Variants in FBXO28 observed in about 807,000 individuals in gnomAD.
FBXO28 encodes F-box only protein 28.
Under a neutral mutation model 38.1 loss-of-function variants are expected in FBXO28, and 8 were observed. That is an observed-to-expected ratio of 0.21 (90% CI 0.12 to 0.38). The LOEUF is 0.38. Ranked by LOEUF, FBXO28 falls within the 10% of genes least tolerant of loss-of-function variation. FBXO28 has a pLI of 1.00. For synonymous variants in FBXO28, 168 were observed against 173.8 expected (o/e 0.97, Z 0.26); for missense variants, 345 against 460.6 (o/e 0.75, Z 2.30).
chr1:224,147,012 A>G (rs1386631820), intron 3 of FBXO28, among the ~76,000 whole-genome samples: 1 of 151,674 alleles, frequency 6.6e-6, no homozygotes, highest in East Asian at 1.9e-4. Context: ...GGCCAAAAAT[A>G]TTTTTTATAA....
chr1:224,151,439 G>A (rs1386016814), intron 3 of FBXO28, among the ~76,000 whole-genome samples: 4 of 152,170 alleles, frequency 2.6e-5, no homozygotes, highest in Non-Finnish European at 5.9e-5. Flanking sequence ...CATACATCAT[G>A]CTCCATTAAC....
chr1:224,143,996 C>T (rs902139858), intron 3 of FBXO28, among the ~76,000 whole-genome samples: 1 of 148,942 alleles, frequency 6.7e-6, no homozygotes, highest in Admixed American at 6.7e-5. Flanking sequence ...ACTAAAAATA[C>T]AAAATTTAGC....
At position 224,161,927 on chromosome 1, in the gene FBXO28, C is replaced by G. The variant is rs1657916097; in HGVS notation, c.*4181C>G. The stretch of plus-strand genomic sequence containing the variant: ...TCTGTTTACCTATGCTTATGAGCAA[C>G]AATAAATTACTAGTTTACCTTCTGG... On this transcript the variant is annotated 3_prime_UTR_variant, in exon 5 of 5. Coordinates refer to ENST00000366862, the MANE Select transcript of FBXO28 (RefSeq NM_015176.4). 2.0e-5 allele frequency: 3 copies of G among 152,118 alleles called. No individual in the cohort carries two copies. In the South Asian group the frequency reaches 6.2e-4, roughly 31 times the overall value. The allele number at this position is 152,118 out of a possible 1,614,324, so 9.4% of individuals were successfully genotyped here. A position where few individuals can be genotyped will look rare whatever the true frequency, so the allele number is the denominator to read the frequency against.
chr1:224,160,560 GTT>G lies in FBXO28; in HGVS notation c.*2817_*2818del, dbSNP rs2102640749. ...CTCCCACATGCACTTGGCTTAACTG[GTT>G]TTCACAGATTCTGAGGTTATAGAAC... On this transcript the variant is annotated 3_prime_UTR_variant, in exon 5 of 5. Coordinates refer to ENST00000366862, the MANE Select transcript of FBXO28 (RefSeq NM_015176.4). 6.6e-6 allele frequency: 1 copy of G among 152,240 alleles called. No individual in the cohort carries two copies. Among genetic ancestry groups the G allele is most frequent in the African/African-American group, 2.4e-5 (1 of 41,532 alleles). The allele number at this position is 152,240 out of a possible 1,614,324, so 9.4% of individuals were successfully genotyped here. A position where few individuals can be genotyped will look rare whatever the true frequency, so the allele number is the denominator to read the frequency against.
At chr1:224,129,914 C>T (rs1029475728) in intron 1 of FBXO28, among the ~76,000 whole-genome samples, 4 of 151,556 alleles carry the variant, frequency 2.6e-5, no homozygotes, top group African/African-American at 9.7e-5. Context: ...GGCGTGAACC[C>T]AGGAGGTGGA....
At chr1:224,117,029 C>A (rs1335294039) in intron 1 of FBXO28, among the ~76,000 whole-genome samples, 1 of 152,008 alleles carries the variant, frequency 6.6e-6, no homozygotes, top group Non-Finnish European at 1.5e-5. Context: ...AAAAATTAGC[C>A]AGGCATAATG....
At chr1:224,137,837 G>A (rs1657232408) in intron 3 of FBXO28, among the ~76,000 whole-genome samples, 1 of 151,796 alleles carries the variant, frequency 6.6e-6, no homozygotes, top group Non-Finnish European at 1.5e-5. Flanking sequence ...CCAATTGCAG[G>A]CAAGCTAGAT....
chr1:224,153,369 A>G (rs745774530), intron 4 of FBXO28, 32 bp downstream of exon 4: 13 of 1,491,060 alleles, frequency 8.7e-6, no homozygotes, highest in Non-Finnish European at 1.2e-5. Flanking sequence ...GCTTGTACAT[A>G]ATTTTGTAAC....
At chr1:224,129,820 T>G (rs1656993866) in intron 1 of FBXO28, among the ~76,000 whole-genome samples, 1 of 152,152 alleles carries the variant, frequency 6.6e-6, no homozygotes, top group Middle Eastern at 3.4e-3. Flanking sequence ...AAACCCCGTC[T>G]CTACTAAAAA....
intron 1 of FBXO28, among the ~76,000 whole-genome samples, chr1:224,123,837 G>T (rs1218298605): frequency 1.3e-5 from 2 of 152,160 alleles, no homozygotes; most frequent in African/African-American, 4.8e-5. Context: ...GGCCAGGCAT[G>T]ATGGCCCATG....
chr1:224,124,902 AT>A (rs1656869343), intron 1 of FBXO28, among the ~76,000 whole-genome samples: 1 of 151,710 alleles, frequency 6.6e-6, no homozygotes, highest in Non-Finnish European at 1.5e-5. Flanking sequence ...AAATTTTTGT[AT>A]TTTTAGTAGA....
At chr1:224,137,249 G>A (rs1238559966) in intron 3 of FBXO28, among the ~76,000 whole-genome samples, 1 of 151,656 alleles carries the variant, frequency 6.6e-6, no homozygotes, top group African/African-American at 2.4e-5. Flanking sequence ...TTGGGACTGG[G>A]CACGGTGGCT....
At position 224,117,492 on chromosome 1, in the gene FBXO28, C is replaced by T. The variant is rs775221999; in HGVS notation, c.267+3096C>T. Among the ~76,000 whole-genome samples, 21 of 151,842 alleles carry T rather than the reference C, an allele frequency of 1.4e-4. 1 individual carries two copies. Among genetic ancestry groups the T allele is most frequent in the Non-Finnish European group, 2.4e-4 (16 of 67,950 alleles). Reference sequence around the variant, plus strand: ...TTGACTATTGATCAAAAGATGTATCCTGAGTCTGGTGGTTTCACAGAAATT... The same window carrying T: ...TTGACTATTGATCAAAAGATGTATCTTGAGTCTGGTGGTTTCACAGAAATT... On this transcript the variant is annotated intron_variant, in intron 1 of 4. Transcript: ENST00000366862.
intron 4 of FBXO28, among the ~76,000 whole-genome samples, chr1:224,156,424 A>G (rs886497436): frequency 1.8e-4 from 27 of 152,236 alleles, no homozygotes; most frequent in African/African-American, 6.5e-4. Context: ...AACACGATAC[A>G]GGCTGAGTAT....
At chr1:224,146,605 T>A (rs891738786) in intron 3 of FBXO28, among the ~76,000 whole-genome samples, 1 of 152,142 alleles carries the variant, frequency 6.6e-6, no homozygotes, top group Non-Finnish European at 1.5e-5. Flanking sequence ...CTAGCTATGT[T>A]GCTCTTGAAC....
chr1:224,138,687 A>C (rs978432495), intron 3 of FBXO28, among the ~76,000 whole-genome samples: 3 of 41,262 alleles, frequency 7.3e-5, no homozygotes, highest in Non-Finnish European at 1.4e-4. Context: ...TAGAGATGAT[A>C]ATGAAAAAAC....
chr1:224,151,566 A>G (rs1657647965), intron 3 of FBXO28, among the ~76,000 whole-genome samples: 1 of 152,180 alleles, frequency 6.6e-6, no homozygotes, highest in Non-Finnish European at 1.5e-5. Flanking sequence ...TAAGTAAAGG[A>G]GAAGGGAAGA....
rs1002713981 is a variant in FBXO28 at position 224,161,547 on chromosome 1, T to G, written c.*3801T>G. The G allele has an allele frequency of 2.6e-5, 4 of 152,234 alleles. No homozygotes were observed. 9.4% of individuals were successfully genotyped at this position (152,234 alleles called of 1,614,324 possible). ...AAGTTAAAACTACTTTAAACTTGTA[T>G]AGCCTGCCATCTGAGGTGAATTATT... On this transcript the variant is annotated 3_prime_UTR_variant, in exon 5 of 5. Coordinates refer to ENST00000366862, the MANE Select transcript of FBXO28 (RefSeq NM_015176.4).
chr1:224,128,664 C>T (rs1414894832), intron 1 of FBXO28, among the ~76,000 whole-genome samples: 1 of 152,072 alleles, frequency 6.6e-6, no homozygotes, highest in African/African-American at 2.4e-5. Flanking sequence ...GCTGTTCTGA[C>T]TTCTGATCCT....
Sources: allele counts gnomAD v4.1 joint callset (sites outside exome capture counted in the v4.1 genomes callset), GRCh38; gene constraint gnomAD v4.1.1; transcripts MANE v1.5; gene names NCBI Gene and HGNC (gene_info 2026-07-23, HGNC 2026-07-21).